Variants in SLC9C2 observed in about 807,000 individuals in gnomAD.
The protein encoded by SLC9C2 is solute carrier family 9 member C2 (putative).
SLC9C2 carries 75 observed loss-of-function variants against 140.2 expected under a neutral mutation model. The observed-to-expected ratio is 0.53, with a 90% CI of 0.44 to 0.65. SLC9C2 has a LOEUF of 0.65. Ranked by LOEUF, SLC9C2 falls within the 30% of genes least tolerant of loss-of-function variation. SLC9C2 has a pLI of 0.00. For missense variants in SLC9C2, 1,074 were observed against 1,331.8 expected (o/e 0.81, Z 3.01); for synonymous variants, 375 against 420.9 (o/e 0.89, Z 1.34).
At chr1:173,561,541 A>C (rs536706268) in intron 9 of SLC9C2, among the ~76,000 whole-genome samples, 1 of 152,216 alleles carries the variant, frequency 6.6e-6, no homozygotes, top group South Asian at 2.1e-4. Flanking sequence ...AGCTCTTCAC[A>C]CTGGGGGGAA....
At chr1:173,520,015 C>T (rs1660695470) in intron 22 of SLC9C2, among the ~76,000 whole-genome samples, 1 of 152,044 alleles carries the variant, frequency 6.6e-6, no homozygotes, top group South Asian at 2.1e-4. Context: ...TGGTGCGTGC[C>T]TGTAATCCTG....
At chr1:173,501,505 CTTT>C (rs35363966) in intron 27 of SLC9C2, among the ~76,000 whole-genome samples, 2 of 96,318 alleles carry the variant, frequency 2.1e-5, no homozygotes, top group African/African-American at 4.0e-5. Flanking sequence ...TTATTTGACT[CTTT>C]TTTTTTTTTT....
intron 23 of SLC9C2, among the ~76,000 whole-genome samples, chr1:173,516,276 A>T (rs1660414225): frequency 6.6e-6 from 1 of 152,216 alleles, no homozygotes; most frequent in Admixed American, 6.5e-5. Context: ...TTACTTAGCA[A>T]ATGAAACATA....
intron 5 of SLC9C2, 56 bp downstream of exon 5, chr1:173,587,609 G>T: frequency 2.7e-6 from 4 of 1,476,388 alleles, no homozygotes; most frequent in Non-Finnish European, 3.7e-6. Flanking sequence ...ATAATCAAAA[G>T]AAAATAATGT....
chr1:173,517,624 G>T lies in SLC9C2; in HGVS notation c.2820C>A (p.Phe940Leu). 1 of 1,613,910 alleles carries T rather than the reference G, an allele frequency of 6.2e-7. No homozygotes were observed. The change falls in exon 23 of 28, where the codon TTC (phenylalanine) becomes TTA (leucine). Residue 940 changes from phenylalanine (F) to leucine (L), a missense_variant. Transcript: ENST00000367714. The part of the protein sequence containing the change: ...DRGSRDMFTE[F>L]CTTGDIIGEL... ...CTCCAATTATGTCCCCAGTAGTACA[G>T]AACTCTGTAAACATGTCTCTGGACC...
At chr1:173,593,848 C>T (rs894728590) in intron 4 of SLC9C2, among the ~76,000 whole-genome samples, 5 of 152,054 alleles carry the variant, frequency 3.3e-5, no homozygotes, top group Non-Finnish European at 5.9e-5. Flanking sequence ...ATATATGTAC[C>T]CAACACAGGA....
intron 9 of SLC9C2, among the ~76,000 whole-genome samples, chr1:173,570,289 C>T (rs1664758677): frequency 6.6e-6 from 1 of 152,098 alleles, no homozygotes; most frequent in African/African-American, 2.4e-5. Flanking sequence ...GGACTGGGTC[C>T]TTCCCTTCAA....
chr1:173,514,587 C>T (rs1230238649), intron 23 of SLC9C2, among the ~76,000 whole-genome samples: 2 of 152,122 alleles, frequency 1.3e-5, no homozygotes, highest in African/African-American at 4.8e-5. Flanking sequence ...AGTCCTGACT[C>T]TTTATCCAAT....
chr1:173,524,762 G>A lies in SLC9C2; in HGVS notation c.2514+17C>T. 6.2e-7 allele frequency: 1 copy of A among 1,612,890 alleles called. No homozygotes were observed. The highest frequency in any genetic ancestry group is 1.1e-5 in the South Asian group (1 of 90,948). On this transcript the variant is annotated intron_variant, in intron 20 of 27. Transcript: ENST00000367714. ...TGAAGGCTGGGGTGTTATGCGGACA[G>A]AATCAAGCAAAATTACCTTATTTAT...
At chr1:173,554,184 C>T (rs542910214) in intron 11 of SLC9C2, among the ~76,000 whole-genome samples, 2 of 152,238 alleles carry the variant, frequency 1.3e-5, no homozygotes, top group African/African-American at 4.8e-5. Flanking sequence ...CTGATCATAT[C>T]GCCAGCCCGG....
At chr1:173,550,367 G>A (rs557800549) in intron 11 of SLC9C2, among the ~76,000 whole-genome samples, 36 of 152,080 alleles carry the variant, frequency 2.4e-4, no homozygotes, top group African/African-American at 8.4e-4. Context: ...TCGTGCCACT[G>A]CATTGCAGCC....
At chr1:173,510,735 T>C (rs1252096180) in intron 23 of SLC9C2, among the ~76,000 whole-genome samples, 2 of 152,244 alleles carry the variant, frequency 1.3e-5, no homozygotes, top group East Asian at 1.9e-4. Flanking sequence ...CAGTCTATCA[T>C]TGATGGGCAT....
chr1:173,577,841 TTATC>T (rs1665278732), intron 7 of SLC9C2, among the ~76,000 whole-genome samples: 6 of 152,210 alleles, frequency 3.9e-5, no homozygotes, highest in Admixed American at 3.9e-4. Context: ...TTCTTTTGGT[TTATC>T]TAATCCCTTA....
intron 7 of SLC9C2, among the ~76,000 whole-genome samples, chr1:173,577,641 C>G (rs115742088): frequency 0.021 from 3,127 of 151,988 alleles, 45 homozygotes; most frequent in Non-Finnish European, 0.03. Flanking sequence ...TTAGTGGCCC[C>G]GTAACTATAA....
intron 23 of SLC9C2, among the ~76,000 whole-genome samples, chr1:173,511,799 T>C (rs1660074755): frequency 6.6e-6 from 1 of 152,240 alleles, no homozygotes; most frequent in Non-Finnish European, 1.5e-5. Context: ...TACATGTAAG[T>C]CTTTAATCCA....
At chr1:173,552,403 A>G (rs187799836) in intron 11 of SLC9C2, among the ~76,000 whole-genome samples, 62 of 152,398 alleles carry the variant, frequency 4.1e-4, no homozygotes, top group African/African-American at 1.4e-3. Context: ...ATATTGGAAT[A>G]GAATGCTATG....
At chr1:173,519,147 C>T (rs6675929) in intron 22 of SLC9C2, among the ~76,000 whole-genome samples, 30,427 of 151,734 alleles carry the variant, frequency 0.2, 4,211 homozygotes, top group East Asian at 0.64. Context: ...CATGAGCCCT[C>T]GCAAGTAGAA....
At chr1:173,524,738 G>A in intron 20 of SLC9C2, 41 bp downstream of exon 20, 2 of 1,604,400 alleles carry the variant, frequency 1.2e-6, no homozygotes, top group Non-Finnish European at 1.7e-6. Flanking sequence ...AAGTAACCAT[G>A]AAGGCTGGGG....
intron 23 of SLC9C2, among the ~76,000 whole-genome samples, chr1:173,515,483 G>T: frequency 6.6e-6 from 1 of 152,172 alleles, no homozygotes; most frequent in East Asian, 1.9e-4. Flanking sequence ...TTCATGAAGC[G>T]TTCATGCTGT....
Sources: gnomAD v4.1 joint callset for allele counts (sites outside exome capture counted in the v4.1 genomes callset) on GRCh38, gnomAD v4.1.1 for gene constraint, MANE v1.5 for transcripts, NCBI Gene and HGNC (gene_info 2026-07-23, HGNC 2026-07-21) for gene names.